The following TNIP3 variants were observed in gnomAD, a reference collection of about 807,000 sequenced individuals.
TNIP3 encodes the protein TNFAIP3 interacting protein 3, also known as TNFAIP3-interacting protein 3.
Under a neutral mutation model 54.1 loss-of-function variants are expected in TNIP3, and 34 were observed. The ratio of observed to expected loss-of-function variants is 0.63; its 90% confidence interval spans 0.48 to 0.84. TNIP3 has a LOEUF of 0.84. Among genes scored for constraint, TNIP3 ranks in the 40% least tolerant of loss-of-function variants. The probability of loss-of-function intolerance (pLI) is 0.00; values close to 1 mark genes in which losing one functional copy is unlikely to be tolerated. For synonymous variants in TNIP3, 134 were observed against 136.8 expected, an observed-to-expected ratio of 0.98 and a Z score of 0.14; for missense variants, 366 against 387.6, an observed-to-expected ratio of 0.94 and a Z score of 0.47.
chr4:121,174,968 T>A (rs1724221459), intron 3 of TNIP3, among the ~76,000 whole-genome samples: 1 of 152,184 alleles, frequency 6.6e-6, no homozygotes, highest in Non-Finnish European at 1.5e-5. Context: ...TATTGATGCA[T>A]TAGATTCCAA....
intron 4 of TNIP3, 31 bp downstream of exon 4, chr4:121,157,063 C>T (rs1354332650): frequency 1.2e-6 from 2 of 1,612,584 alleles, no homozygotes; most frequent in African/African-American, 1.3e-5. Flanking sequence ...TATTTGGATC[C>T]TCCGGGCTCG....
chr4:121,214,728 T>G (rs1726687542), intron 2 of TNIP3, among the ~76,000 whole-genome samples: 1 of 152,226 alleles, frequency 6.6e-6, no homozygotes, highest in Admixed American at 6.5e-5. Context: ...TTTTTGCTTC[T>G]GTAATGCCTA....
intron 3 of TNIP3, among the ~76,000 whole-genome samples, chr4:121,178,756 G>A (rs1157449229): frequency 3.3e-5 from 5 of 152,172 alleles, no homozygotes; most frequent in Admixed American, 6.5e-5. Flanking sequence ...TGTATATTCA[G>A]TGTTACCATG....
chr4:121,163,947 C>A, intron 1 of TNIP3, 113 bp downstream of exon 1: 2 of 1,247,588 alleles, frequency 1.6e-6, no homozygotes, highest in Admixed American at 2.6e-5. Flanking sequence ...CAAATCTTAG[C>A]TAAAGAAAGC....
intron 2 of TNIP3, among the ~76,000 whole-genome samples, chr4:121,187,652 C>T (rs1725091798): frequency 6.6e-6 from 1 of 152,184 alleles, no homozygotes; most frequent in African/African-American, 2.4e-5. Flanking sequence ...GTCCCTCCAA[C>T]TGAAATGTAG....
chr4:121,216,557 C>G, intron 1 of TNIP3: 2 of 1,525,476 alleles, frequency 1.3e-6, no homozygotes, highest in Non-Finnish European at 1.8e-6. Flanking sequence ...GGGAAGTTAA[C>G]TATGTCAGTC....
chr4:121,217,190 T>G (rs149349296), upstream of TNIP3, among the ~76,000 whole-genome samples: 1 of 152,320 alleles, frequency 6.6e-6, no homozygotes, highest in Non-Finnish European at 1.5e-5. Flanking sequence ...ATTGAAGAAT[T>G]TGAAGAATTG....
At chr4:121,194,367 A>C (rs2148835054) in intron 2 of TNIP3, among the ~76,000 whole-genome samples, 1 of 152,322 alleles carries the variant, frequency 6.6e-6, no homozygotes, top group African/African-American at 2.4e-5. Flanking sequence ...CTAAAAGATA[A>C]GATCTGATTT....
Position 121,138,700 on chromosome 4 carries a change from C to A in TNIP3, c.886-16G>T. ...GATAGTCTGGCTGTGTGGAACAATACAACATTATTATAGCAATATGGACTT... is the reference window on the plus strand; with the variant it reads ...GATAGTCTGGCTGTGTGGAACAATAAAACATTATTATAGCAATATGGACTT... On this transcript the variant is annotated splice_polypyrimidine_tract_variant and intron_variant, in intron 9 of 10. Transcript: ENST00000057513. The A allele has an allele frequency of 1.2e-6, 2 of 1,610,902 alleles. No homozygotes were observed. The highest frequency in any genetic ancestry group is 8.5e-7 in the Non-Finnish European group (1 of 1,177,202).
At chr4:121,145,968 A>C (rs887828974) in intron 7 of TNIP3, among the ~76,000 whole-genome samples, 1 of 151,536 alleles carries the variant, frequency 6.6e-6, no homozygotes, top group Admixed American at 6.6e-5. Flanking sequence ...CAAGAGCAAA[A>C]CACCATCTCA....
chr4:121,219,547 T>C (rs756269605), upstream of TNIP3, among the ~76,000 whole-genome samples: 7 of 152,244 alleles, frequency 4.6e-5, no homozygotes, highest in Non-Finnish European at 7.3e-5. Context: ...CTTTTGGAAG[T>C]TAACCAAGTT....
chr4:121,224,437 G>T (rs971579735), intron 1 of TNIP3, among the ~76,000 whole-genome samples: 1 of 151,990 alleles, frequency 6.6e-6, no homozygotes, highest in African/African-American at 2.4e-5. Flanking sequence ...CTGGACTTCC[G>T]ATACAGAATC....
At chr4:121,144,102 T>C (rs1252964398) in intron 7 of TNIP3, among the ~76,000 whole-genome samples, 1 of 152,192 alleles carries the variant, frequency 6.6e-6, no homozygotes, top group Non-Finnish European at 1.5e-5. Context: ...TTTTAGTCAG[T>C]AGGGAAATTC....
chr4:121,227,355 A>G (rs1209769908), intron 1 of TNIP3: 14 of 1,532,672 alleles, frequency 9.1e-6, no homozygotes, highest in Non-Finnish European at 1.2e-5. Flanking sequence ...GCGAAATGAA[A>G]GTAAAGGCAC....
At chr4:121,220,501 T>C (rs1726983816), upstream of TNIP3, among the ~76,000 whole-genome samples, 1 of 152,196 alleles carries the variant, frequency 6.6e-6, no homozygotes, top group East Asian at 1.9e-4. Flanking sequence ...TTTTTTTGTA[T>C]TTGCCCTCAC....
intron 1 of TNIP3, chr4:121,216,549 G>C (rs755631172): frequency 6.5e-7 from 1 of 1,531,164 alleles, no homozygotes; most frequent in African/African-American, 1.4e-5. Context: ...TACGTCAAGG[G>C]AAGTTAACTA....
chr4:121,189,467 G>C (rs1043453489), intron 2 of TNIP3, among the ~76,000 whole-genome samples: 1 of 152,130 alleles, frequency 6.6e-6, no homozygotes, highest in African/African-American at 2.4e-5. Flanking sequence ...GCAATTTTCA[G>C]GTTTTAGTTT....
intron 6 of TNIP3, 37 bp from the exon 7 acceptor site, chr4:121,147,211 T>A: frequency 6.3e-7 from 1 of 1,588,130 alleles, no homozygotes; most frequent in Non-Finnish European, 8.5e-7. Context: ...GTAAGCTTCC[T>A]TTTCACTTAA....
intron 3 of TNIP3, among the ~76,000 whole-genome samples, chr4:121,158,267 A>G (rs1179152001): frequency 6.6e-6 from 1 of 152,102 alleles, no homozygotes; most frequent in Non-Finnish European, 1.5e-5. Context: ...TTGTTTCTCT[A>G]TTTGTGGAAA....
Sources: gnomAD v4.1 joint callset for allele counts (sites outside exome capture counted in the v4.1 genomes callset) on GRCh38, gnomAD v4.1.1 for gene constraint, MANE v1.5 for transcripts, NCBI Gene and HGNC (gene_info 2026-07-23, HGNC 2026-07-21) for gene names.